The following PCDHA9 variants were observed in gnomAD, a reference collection of about 807,000 sequenced individuals.
PCDHA9 encodes the protein protocadherin alpha-9.
A neutral mutation model predicts 62.0 loss-of-function variants in PCDHA9; 62 were observed. The observed-to-expected ratio is 1.00, with a 90% CI of 0.81 to 1.23. The LOEUF (loss-of-function observed/expected upper bound fraction) is 1.23, where lower values mean the gene tolerates loss of function less well. Among genes scored for constraint, PCDHA9 ranks in the 50% most tolerant of loss-of-function variants. PCDHA9 has a pLI of 0.00. For synonymous variants in PCDHA9, 557 were observed against 567.6 expected (o/e 0.98, Z 0.27); for missense variants, 1,205 against 1,249.8 (o/e 0.96, Z 0.54).
Position 140,848,444 on chromosome 5 carries a change from C to A in PCDHA9, c.-52C>A. 6.7e-7 allele frequency: 1 copy of A among 1,498,894 alleles called. No homozygotes were observed. Among genetic ancestry groups the A allele is most frequent in the Non-Finnish European group, 9.1e-7 (1 of 1,100,132 alleles). 92.8% of individuals were successfully genotyped at this position (1,498,894 alleles called of 1,614,324 possible). A position where few individuals can be genotyped will look rare whatever the true frequency, so the allele number is the denominator to read the frequency against. On this transcript the variant is annotated 5_prime_UTR_variant, in exon 1 of 4. Coordinates refer to ENST00000532602, the MANE Select transcript of PCDHA9 (RefSeq NM_031857.2). ...TGGGACTGACGAAATCAGATGATTT[C>A]TTCTAATTTGGAGGCAATTTTCACT...
At chr5:140,945,569 A>C (rs575302416) in intron 1 of PCDHA9, among the ~76,000 whole-genome samples, 2 of 152,256 alleles carry the variant, frequency 1.3e-5, no homozygotes, top group South Asian at 4.1e-4. Context: ...ACATCATACT[A>C]CCTGGCTTCA....
Position 140,850,169 on chromosome 5 carries a change from G to A in PCDHA9, c.1674G>A (p.Glu558=). The A allele has an allele frequency of 1.3e-6, 2 of 1,594,742 alleles. No individual in the cohort carries two copies. Among genetic ancestry groups the A allele is most frequent in the Non-Finnish European group, 1.7e-6 (2 of 1,167,792 alleles). The stretch of plus-strand genomic sequence containing the variant: ...CGCTGCAGGTGTTCGTGCTGGACGA[G>A]AACGACAATGCGCCGGCGCTGCTGA... ...NVTLQVFVLD[E]NDNAPALLTP... is the part of the protein sequence containing the mutation. Residue 558 remains glutamate, a synonymous_variant, in exon 1 of 4, where the codon GAG becomes GAA. Transcript: ENST00000532602.
chr5:140,870,083 C>G, intron 1 of PCDHA9: 1 of 1,613,848 alleles, frequency 6.2e-7, no homozygotes, highest in Admixed American at 1.7e-5. Flanking sequence ...AAGGGGACTC[C>G]CCCAATGGCA....
chr5:140,961,515 C>T (rs2095619049), intron 1 of PCDHA9, among the ~76,000 whole-genome samples: 1 of 152,092 alleles, frequency 6.6e-6, no homozygotes, highest in Admixed American at 6.5e-5. Flanking sequence ...TTTAATGTCT[C>T]CACAAATTCT....
At chr5:140,884,049 TGC>T (rs1554181152) in intron 1 of PCDHA9, 1 of 1,613,414 alleles carries the variant, frequency 6.2e-7, no homozygotes. Context: ...GTGGCGAAGG[TGC>T]GCGCGGTGGA....
intron 1 of PCDHA9, among the ~76,000 whole-genome samples, chr5:140,903,821 A>G (rs2153482193): frequency 6.6e-6 from 1 of 152,320 alleles, no homozygotes. Context: ...TCTCACATGA[A>G]TGTCTGTTGG....
chr5:140,926,180 C>A (rs1341994925), intron 1 of PCDHA9, among the ~76,000 whole-genome samples: 1 of 151,710 alleles, frequency 6.6e-6, no homozygotes, highest in Admixed American at 6.6e-5. Flanking sequence ...CGCGGAAAGC[C>A]CCCCGCAGCA....
chr5:140,883,827 T>G, intron 1 of PCDHA9: 1 of 1,612,546 alleles, frequency 6.2e-7, no homozygotes, highest in South Asian at 1.1e-5. Context: ...GTGTACGCGC[T>G]GCAGCCGTTG....
At chr5:140,859,436 A>C (rs868952272) in intron 1 of PCDHA9, 6 of 225,632 alleles carry the variant, frequency 2.7e-5, no homozygotes, top group African/African-American at 1.2e-4. Flanking sequence ...AATGAAAGCT[A>C]ACTTAGTTGC....
chr5:140,882,662 A>G (rs1554175058), intron 1 of PCDHA9: 7 of 1,614,224 alleles, frequency 4.3e-6, no homozygotes, highest in Non-Finnish European at 5.9e-6. Context: ...CAACCCGCCC[A>G]TATTCCCTGA....
At chr5:140,897,758 C>T (rs2066305789) in intron 1 of PCDHA9, among the ~76,000 whole-genome samples, 3 of 152,140 alleles carry the variant, frequency 2.0e-5, no homozygotes, top group Non-Finnish European at 4.4e-5. Context: ...CCTGAGGAAT[C>T]GCCACACTGA....
chr5:140,934,236 T>C (rs532427064), intron 1 of PCDHA9, among the ~76,000 whole-genome samples: 1 of 152,290 alleles, frequency 6.6e-6, no homozygotes, highest in South Asian at 2.1e-4. Context: ...TTGTACTTAA[T>C]TGTGGAGATT....
intron 1 of PCDHA9, among the ~76,000 whole-genome samples, chr5:140,886,515 G>A (rs1554182564): frequency 3.9e-5 from 6 of 151,972 alleles, no homozygotes; most frequent in Non-Finnish European, 8.8e-5. Flanking sequence ...TGGATTTTAA[G>A]GTCTGCATAT....
chr5:140,943,640 A>G (rs1288085106), intron 1 of PCDHA9, among the ~76,000 whole-genome samples: 1 of 152,224 alleles, frequency 6.6e-6, no homozygotes, highest in African/African-American at 2.4e-5. Context: ...TGGATTATGG[A>G]TAAAACCATC....
intron 3 of PCDHA9, among the ~76,000 whole-genome samples, chr5:141,008,590 T>G (rs1259352249): frequency 6.6e-6 from 1 of 152,216 alleles, no homozygotes; most frequent in Non-Finnish European, 1.5e-5. Context: ...CAGGGCAGAT[T>G]TCACCTCCTC....
chr5:140,979,619 G>A (rs1344525241), intron 2 of PCDHA9, among the ~76,000 whole-genome samples: 1 of 152,164 alleles, frequency 6.6e-6, no homozygotes, highest in African/African-American at 2.4e-5. Context: ...AACGGTATTA[G>A]TCTAAGACTC....
intron 3 of PCDHA9, among the ~76,000 whole-genome samples, chr5:140,983,261 CT>C (rs1240749572): frequency 7.9e-5 from 12 of 152,158 alleles, no homozygotes; most frequent in Admixed American, 7.9e-4. Context: ...TGTAAAAAAC[CT>C]AATGGCTGGG....
At chr5:140,907,590 C>A (rs924020141) in intron 1 of PCDHA9, among the ~76,000 whole-genome samples, 11 of 152,210 alleles carry the variant, frequency 7.2e-5, no homozygotes, top group Non-Finnish European at 1.6e-4. Flanking sequence ...TGGCTGATCA[C>A]CCTGAGGAAT....
chr5:140,858,347 C>T lies in PCDHA9; in HGVS notation c.2394+7458C>T. ...TGGGGAGGGCCTGCCCAAGGCGGAC[C>T]TCATGGCCTTCAGCCCCAGCCTTCC... On this transcript the variant is annotated intron_variant, in intron 1 of 3. Transcript: ENST00000532602. 3 of 1,594,932 alleles carry T rather than the reference C, an allele frequency of 1.9e-6. No individual in the cohort carries two copies. The East Asian group carries it at 6.7e-5, about 36-fold the overall frequency.
Sources: gnomAD v4.1 joint callset for allele counts (sites outside exome capture counted in the v4.1 genomes callset) on GRCh38, gnomAD v4.1.1 for gene constraint, MANE v1.5 for transcripts, NCBI Gene and HGNC (gene_info 2026-07-23, HGNC 2026-07-21) for gene names.